The following BMP8A variants were observed in gnomAD, a reference collection of about 807,000 sequenced individuals.
The protein encoded by BMP8A is bone morphogenetic protein 8a.
A neutral mutation model predicts 36.8 loss-of-function variants in BMP8A; 14 were observed. The observed-to-expected ratio is 0.38, with a 90% CI of 0.25 to 0.60. The LOEUF (loss-of-function observed/expected upper bound fraction) is 0.60, where lower values mean the gene tolerates loss of function less well. Ranked by LOEUF, BMP8A falls within the 20% of genes least tolerant of loss-of-function variation. The pLI is 0.63. For synonymous variants in BMP8A, 120 were observed against 237.7 expected (o/e 0.50, Z 4.55); for missense variants, 267 against 551.1 (o/e 0.48, Z 5.16).
intron 1 of BMP8A, among the ~76,000 whole-genome samples, chr1:39,493,673 C>T (rs553402980): frequency 2.2e-4 from 34 of 152,352 alleles, no homozygotes; most frequent in African/African-American, 7.9e-4. Flanking sequence ...CATCGCTGAG[C>T]GCCCAGTGCC....
At chr1:39,502,510 C>T (rs1557686961) in intron 1 of BMP8A, among the ~76,000 whole-genome samples, 1 of 152,024 alleles carries the variant, frequency 6.6e-6, no homozygotes, top group Admixed American at 6.6e-5. Flanking sequence ...GAACTCCTTG[C>T]AGAAATGGCT....
intron 1 of BMP8A, among the ~76,000 whole-genome samples, chr1:39,506,162 G>T (rs1645299686): frequency 6.6e-6 from 1 of 152,014 alleles, no homozygotes; most frequent in African/African-American, 2.4e-5. Flanking sequence ...AGTAAAATTA[G>T]AGAAAAGTCT....
chr1:39,513,897 CCA>C (rs1645376835), intron 3 of BMP8A, among the ~76,000 whole-genome samples: 1 of 151,590 alleles, frequency 6.6e-6, no homozygotes, highest in Non-Finnish European at 1.5e-5. Context: ...CACAGAGAGC[CCA>C]CAGAGACCAG....
Position 39,527,583 on chromosome 1 carries a change from C to T in BMP8A, c.*1785C>T, listed in dbSNP as rs1645495617. ...CCACACTGCGGGACAGCAGCCCCTC[C>T]ACCTGGACCAGGGAGGGCCTCCATG... On this transcript the variant is annotated 3_prime_UTR_variant, in exon 7 of 7. Transcript: ENST00000331593. Among the ~76,000 whole-genome samples, 1 of 152,194 alleles carries T rather than the reference C, an allele frequency of 6.6e-6. No individual in the cohort carries two copies. Among genetic ancestry groups the T allele is most frequent in the East Asian group, 1.9e-4 (1 of 5,196 alleles).
At position 39,527,495 on chromosome 1, in the gene BMP8A, G is replaced by A. The variant is rs558731333; in HGVS notation, c.*1697G>A. ...AAGGATGCGCCTCTCTGGAGTTCACGTGCTGCACCCCCAGGGAGGGGCCTG... is the reference window on the plus strand; with the variant it reads ...AAGGATGCGCCTCTCTGGAGTTCACATGCTGCACCCCCAGGGAGGGGCCTG... On this transcript the variant is annotated 3_prime_UTR_variant, in exon 7 of 7. Transcript: ENST00000331593. Among the ~76,000 whole-genome samples the A allele has an allele frequency of 2.6e-4, 39 of 152,330 alleles. 1 individual carries two copies. The South Asian group carries it at 5.4e-3, about 21-fold the overall frequency.
intron 1 of BMP8A, among the ~76,000 whole-genome samples, chr1:39,498,320 A>G (rs1171877497): frequency 1.3e-5 from 2 of 152,224 alleles, no homozygotes; most frequent in Admixed American, 6.5e-5. Context: ...ATGTGTCACC[A>G]TGACCACTTC....
rs987127246 is a variant in BMP8A at position 39,526,287 on chromosome 1, G to A, written c.*489G>A. ...TTCTTCTCATTTGGTCCAGGGTGCA[G>A]TTAGCATATTAGAAAAAGAATAAGC... is the stretch of plus-strand genomic sequence containing the variant. On this transcript the variant is annotated 3_prime_UTR_variant, in exon 7 of 7. Coordinates refer to ENST00000331593, the MANE Select transcript of BMP8A (RefSeq NM_181809.4). 2.6e-5 allele frequency among the ~76,000 whole-genome samples: 4 copies of A among 151,954 alleles called. No homozygotes were observed. Among genetic ancestry groups the A allele is most frequent in the African/African-American group, 9.7e-5 (4 of 41,362 alleles).
intron 1 of BMP8A, among the ~76,000 whole-genome samples, chr1:39,508,105 G>A (rs146564549): frequency 0.021 from 3,128 of 152,252 alleles, 109 homozygotes; most frequent in African/African-American, 0.072. Flanking sequence ...CAAAAAATTA[G>A]CTAGGCGTGG....
rs1374177083 is a variant in BMP8A, at chr1:39,527,793, A to C, written c.*1995A>C. On this transcript the variant is annotated 3_prime_UTR_variant, in exon 7 of 7. Transcript: ENST00000331593. ...ACTCAGCCACTGACTTGGTGTCAGGACAAGTCCCCTTTCTTATTCACGCTT... is the reference window on the plus strand; with the variant it reads ...ACTCAGCCACTGACTTGGTGTCAGGCCAAGTCCCCTTTCTTATTCACGCTT... Among the ~76,000 whole-genome samples the C allele has an allele frequency of 2.0e-5, 3 of 152,236 alleles. No individual in the cohort carries two copies. Among genetic ancestry groups the C allele is most frequent in the African/African-American group, 7.2e-5 (3 of 41,450 alleles).
At chr1:39,502,856 C>A (rs1379189147) in intron 1 of BMP8A, among the ~76,000 whole-genome samples, 2 of 152,164 alleles carry the variant, frequency 1.3e-5, no homozygotes, top group African/African-American at 4.8e-5. Context: ...CTAGCCTGAC[C>A]AATATGGTGA....
chr1:39,501,059 G>A (rs903661099), intron 1 of BMP8A, among the ~76,000 whole-genome samples: 1 of 152,216 alleles, frequency 6.6e-6, no homozygotes, highest in Admixed American at 6.5e-5. Flanking sequence ...GCAGAAAGTG[G>A]AAGGACAGTG....
chr1:39,492,074 C>T lies in BMP8A; in HGVS notation c.83C>T (p.Pro28Leu), dbSNP rs1372598964. 6.2e-6 allele frequency: 7 copies of T among 1,127,542 alleles called. No individual in the cohort carries two copies. The African/African-American group carries it at 1.2e-4, about 19-fold the overall frequency. 69.8% of individuals were successfully genotyped at this position (1,127,542 alleles called of 1,614,324 possible). Residue 28 changes from proline (P) to leucine (L), a missense_variant, in exon 1 of 7, where the codon CCG becomes CTG. Coordinates refer to ENST00000331593, the MANE Select transcript of BMP8A (RefSeq NM_181809.4). The part of the protein sequence containing the change: ...LGGGGPGLRP[P>L]PGCPQRRLGA... ...GGGGGCGGCCCCGGCCTGCGACCCCCGCCCGGCTGTCCCCAGCGACGTCTG... is the reference window on the plus strand; with the variant it reads ...GGGGGCGGCCCCGGCCTGCGACCCCTGCCCGGCTGTCCCCAGCGACGTCTG...
chr1:39,506,002 A>AAAG (rs1645297991), intron 1 of BMP8A, among the ~76,000 whole-genome samples: 1 of 151,392 alleles, frequency 6.6e-6, no homozygotes, highest in Admixed American at 6.6e-5. Context: ...AAAAAAAAAA[A>AAAG]AAAAGTGTCA....
chr1:39,506,767 C>T (rs1197158188), intron 1 of BMP8A, among the ~76,000 whole-genome samples: 2 of 152,096 alleles, frequency 1.3e-5, no homozygotes, highest in Admixed American at 6.5e-5. Context: ...GTTAACTTTC[C>T]TGTTTGTTAT....
intron 4 of BMP8A, 159 bp from the exon 5 acceptor site, chr1:39,522,244 A>C (rs1645433036): frequency 1.4e-6 from 1 of 727,976 alleles, no homozygotes; most frequent in African/African-American, 1.7e-5. Context: ...GTCATGGTAC[A>C]AGCAGCGTTC....
chr1:39,497,275 G>A (rs1416484068), intron 1 of BMP8A, among the ~76,000 whole-genome samples: 2 of 152,146 alleles, frequency 1.3e-5, no homozygotes, highest in African/African-American at 4.8e-5. Context: ...TGGGAGCTGT[G>A]CGATGTTGAG....
At chr1:39,494,046 G>T (rs1645184173) in intron 1 of BMP8A, among the ~76,000 whole-genome samples, 1 of 152,234 alleles carries the variant, frequency 6.6e-6, no homozygotes, top group South Asian at 2.1e-4. Flanking sequence ...TATAAAAGGA[G>T]GTGCCTGGTG....
chr1:39,501,829 A>G (rs558130475), intron 1 of BMP8A, among the ~76,000 whole-genome samples: 40 of 152,234 alleles, frequency 2.6e-4, no homozygotes, highest in African/African-American at 9.6e-4. Context: ...TTACTGCCAG[A>G]TTTCCTACCC....
intron 1 of BMP8A, among the ~76,000 whole-genome samples, chr1:39,504,591 G>A (rs1351293138): frequency 6.6e-6 from 1 of 152,054 alleles, no homozygotes; most frequent in African/African-American, 2.4e-5. Flanking sequence ...GCCCCACATT[G>A]GGCGTCAGAT....
Sources: allele counts gnomAD v4.1 joint callset (sites outside exome capture counted in the v4.1 genomes callset), GRCh38; gene constraint gnomAD v4.1.1; transcripts MANE v1.5; gene names NCBI Gene and HGNC (gene_info 2026-07-23, HGNC 2026-07-21).